The following MAGI1 variants were observed in gnomAD, a reference collection of about 807,000 sequenced individuals.
MAGI1 encodes the protein membrane associated guanylate kinase, WW and PDZ domain containing 1.
In MAGI1, 58 loss-of-function variants were observed where a neutral mutation model predicts 139.9. The observed-to-expected ratio is 0.41, with a 90% CI of 0.34 to 0.52. The LOEUF is 0.52. Among genes scored for constraint, MAGI1 ranks in the 20% least tolerant of loss-of-function variants. The pLI is 0.12. For missense variants in MAGI1, 1,874 were observed against 1,901.6 expected (o/e 0.99, Z 0.27); for synonymous variants, 812 against 737.9 (o/e 1.10, Z -1.63).
chr3:65,621,917 TCACACACACA>T, intron 2 of MAGI1, 45 bp downstream of exon 2: 2 of 986,068 alleles, frequency 2.0e-6, no homozygotes, highest in Non-Finnish European at 1.5e-6. Context: ...CCTGGACTTT[TCACACACACA>T]CACACACACA....
intron 1 of MAGI1, among the ~76,000 whole-genome samples, chr3:65,987,346 C>T (rs1005923731): frequency 7.2e-5 from 11 of 152,048 alleles, no homozygotes; most frequent in Non-Finnish European, 1.2e-4. Context: ...GCATCAGTAC[C>T]GACCCCTCAG....
chr3:65,946,687 G>A (rs62243765), intron 1 of MAGI1, among the ~76,000 whole-genome samples: 67,129 of 151,816 alleles, frequency 0.44, 15,406 homozygotes, highest in East Asian at 0.76. Flanking sequence ...CACCACACAC[G>A]CACACCCAGA....
chr3:65,441,667 G>C (rs965682287), intron 8 of MAGI1, among the ~76,000 whole-genome samples: 2 of 152,202 alleles, frequency 1.3e-5, no homozygotes, highest in Middle Eastern at 3.2e-3. Flanking sequence ...ACATCTGTGA[G>C]AAAGATGATC....
At chr3:65,793,815 T>A (rs1016010274) in intron 1 of MAGI1, among the ~76,000 whole-genome samples, 4 of 152,220 alleles carry the variant, frequency 2.6e-5, no homozygotes, top group African/African-American at 9.6e-5. Context: ...AGAAAATATA[T>A]TGCACAGCTA....
intron 1 of MAGI1, among the ~76,000 whole-genome samples, chr3:65,791,316 T>A (rs2039755760): frequency 6.6e-6 from 1 of 152,176 alleles, no homozygotes; most frequent in South Asian, 2.1e-4. Flanking sequence ...AAATTCTAGG[T>A]ACAGTCAGCC....
chr3:65,553,074 A>G (rs1462987300), intron 2 of MAGI1, among the ~76,000 whole-genome samples: 1 of 152,182 alleles, frequency 6.6e-6, no homozygotes, highest in Non-Finnish European at 1.5e-5. Context: ...AAAGAAAAAA[A>G]GATGCCTTAA....
intron 1 of MAGI1, among the ~76,000 whole-genome samples, chr3:65,685,860 T>TTCAG: frequency 6.6e-6 from 1 of 152,222 alleles, no homozygotes; most frequent in Middle Eastern, 3.4e-3. Flanking sequence ...AAAAACACAA[T>TTCAG]TCAGTCTGTG....
chr3:65,965,359 A>C (rs1378827017), intron 1 of MAGI1, among the ~76,000 whole-genome samples: 1 of 152,236 alleles, frequency 6.6e-6, no homozygotes, highest in African/African-American at 2.4e-5. Context: ...ATATATTTTA[A>C]ATGGAAACTT....
rs143734705 is a variant in MAGI1 at position 65,379,506 on chromosome 3, C to T, written c.2750G>A (p.Ser917Asn). The T allele has an allele frequency of 1.2e-6, 2 of 1,613,590 alleles. No homozygotes were observed. The highest frequency in any genetic ancestry group is 1.7e-6 in the Non-Finnish European group (2 of 1,179,730). The change falls in exon 17 of 23, where the codon AGT (serine) becomes AAT (asparagine). Residue 917 changes from serine to asparagine, a missense_variant. Ser to Asn is a conservative substitution (Grantham distance 46). Coordinates refer to ENST00000402939, the MANE Select transcript of MAGI1 (RefSeq NM_001033057.2). ...EVPSPASSHH[S>N]SNQPASLTEE... ...TGTCAGCGAGGCCGGCTGGTTGCTA[C>T]TGTGATGAGAGGAGGCTGGCGAGGG... is the stretch of plus-strand genomic sequence containing the variant.
intron 2 of MAGI1, among the ~76,000 whole-genome samples, chr3:65,595,985 C>T (rs1180257187): frequency 1.3e-5 from 2 of 152,216 alleles, no homozygotes; most frequent in Middle Eastern, 3.4e-3. Flanking sequence ...CTGTTGATAC[C>T]ATTAAACTGC....
Position 66,038,375 on chromosome 3 carries a change from CA to C in MAGI1, c.-68del. The C allele has an allele frequency of 1.3e-6, 2 of 1,498,014 alleles. No individual in the cohort carries two copies. Among genetic ancestry groups the C allele is most frequent in the South Asian group, 2.7e-5 (2 of 74,604 alleles). 92.8% of individuals were successfully genotyped at this position (1,498,014 alleles called of 1,614,324 possible). A position where few individuals can be genotyped will look rare whatever the true frequency, so the allele number is the denominator to read the frequency against. On this transcript the variant is annotated 5_prime_UTR_variant, in exon 1 of 23. The change creates a premature stop within an existing upstream ORF in the 5' untranslated region. Coordinates refer to ENST00000402939, the MANE Select transcript of MAGI1 (RefSeq NM_001033057.2). ...AGGTGCCCCCCACAGCACGAGCCCC[CA>C]AGCCTCCGCTTGTTCATGGGAGAAA...
chr3:65,834,603 T>C (rs2042707444), intron 1 of MAGI1, among the ~76,000 whole-genome samples: 1 of 152,258 alleles, frequency 6.6e-6, no homozygotes, highest in African/African-American at 2.4e-5. Flanking sequence ...AGTTAGCTGA[T>C]GGTGTTGAGT....
At chr3:65,958,542 T>C (rs770228326) in intron 1 of MAGI1, among the ~76,000 whole-genome samples, 8 of 152,232 alleles carry the variant, frequency 5.3e-5, no homozygotes, top group Non-Finnish European at 1.2e-4. Flanking sequence ...CAGTGGTTCC[T>C]AAGAGAAGCT....
At chr3:65,884,933 T>G (rs867552972) in intron 1 of MAGI1, among the ~76,000 whole-genome samples, 7 of 152,210 alleles carry the variant, frequency 4.6e-5, no homozygotes, top group Non-Finnish European at 1.0e-4. Flanking sequence ...TAATTCCACA[T>G]GTAATATTTG....
chr3:65,475,897 C>G (rs888393644), intron 4 of MAGI1, among the ~76,000 whole-genome samples: 1 of 151,898 alleles, frequency 6.6e-6, no homozygotes, highest in Middle Eastern at 3.2e-3. Context: ...AACACTCAAG[C>G]AAAAGGCAGC....
chr3:65,470,014 A>C (rs1950459695), intron 5 of MAGI1: 1 of 167,310 alleles, frequency 6.0e-6, no homozygotes, highest in South Asian at 2.0e-4. Flanking sequence ...TGCTCTTTGA[A>C]TATTATGTCA....
intron 2 of MAGI1, among the ~76,000 whole-genome samples, chr3:65,502,806 G>A (rs773855266): frequency 2.6e-5 from 4 of 152,186 alleles, no homozygotes; most frequent in Non-Finnish European, 5.9e-5. Context: ...AGGGTGCGTT[G>A]AAGCAGAAAC....
intron 14 of MAGI1, chr3:65,387,116 A>G: frequency 6.3e-7 from 1 of 1,581,432 alleles, no homozygotes; most frequent in Non-Finnish European, 8.7e-7. Flanking sequence ...GAAAACGGAG[A>G]GACAAAAGTT....
At position 65,354,027 on chromosome 3, in the gene MAGI1, T is replaced by C. The variant is rs1940098882; in HGVS notation, c.*2351A>G. On this transcript the variant is annotated 3_prime_UTR_variant, in exon 23 of 23. Coordinates refer to ENST00000402939, the MANE Select transcript of MAGI1 (RefSeq NM_001033057.2). ...ACATCAAGATGTTAACTTCAGGATA[T>C]ATTCCCAAAATCCACCTTGATTTCA... The C allele has an allele frequency of 6.6e-6, 1 of 152,224 alleles. No homozygotes were observed. Among genetic ancestry groups the C allele is most frequent in the African/African-American group, 2.4e-5 (1 of 41,452 alleles). The allele number at this position is 152,224 out of a possible 1,614,324, so 9.4% of individuals were successfully genotyped here.
Sources: gnomAD v4.1 joint callset for allele counts (sites outside exome capture counted in the v4.1 genomes callset) on GRCh38, gnomAD v4.1.1 for gene constraint, MANE v1.5 for transcripts, NCBI Gene and HGNC (gene_info 2026-07-23, HGNC 2026-07-21) for gene names.